THRB: variants seen among roughly 807,000 people sequenced by gnomAD.
THRB encodes nuclear receptor subfamily 1 group A member 2.
THRB carries 12 observed loss-of-function variants against 47.8 expected under a neutral mutation model. The observed-to-expected ratio is 0.25, with a 90% CI of 0.16 to 0.41. The LOEUF (loss-of-function observed/expected upper bound fraction) is 0.41, where lower values mean the gene tolerates loss of function less well. Ranked by LOEUF, THRB falls within the 10% of genes least tolerant of loss-of-function variation. THRB has a pLI of 1.00. For synonymous variants in THRB, 218 were observed against 212.2 expected, an observed-to-expected ratio of 1.03 and a Z score of -0.24; for missense variants, 348 against 589.2, an observed-to-expected ratio of 0.59 and a Z score of 4.24.
chr3:24,315,385 G>A (rs535808317), intron 2 of THRB, among the ~76,000 whole-genome samples: 6 of 152,158 alleles, frequency 3.9e-5, no homozygotes, highest in African/African-American at 7.2e-5. Context: ...CCAAAGCCAC[G>A]TCCTGCACTT....
chr3:24,323,515 T>C (rs990317993), intron 2 of THRB, among the ~76,000 whole-genome samples: 1 of 152,244 alleles, frequency 6.6e-6, no homozygotes, highest in Non-Finnish European at 1.5e-5. Flanking sequence ...TCATTAGATC[T>C]GGAGTGAGTC....
rs2049501772 is a variant in THRB, at chr3:24,241,503, C to T, written c.-42-12502G>A. On this transcript the variant is annotated intron_variant, in intron 3 of 10. Transcript: ENST00000646209. ...GTCCTGCTCAACTTCCTCAGGCCTA[C>T]AGAGAAATCTATTCTTGTGCCTCTT... is the stretch of plus-strand genomic sequence containing the variant. Among the ~76,000 whole-genome samples the T allele has an allele frequency of 2.0e-5, 3 of 152,152 alleles. No individual in the cohort carries two copies. In the South Asian group the frequency reaches 6.2e-4, roughly 31 times the overall value.
intron 1 of THRB, among the ~76,000 whole-genome samples, chr3:24,382,250 G>C (rs137978162): frequency 6.6e-6 from 1 of 151,814 alleles, no homozygotes; most frequent in African/African-American, 2.4e-5. Context: ...AATACAAAGC[G>C]TCATTAGGAA....
intron 2 of THRB, among the ~76,000 whole-genome samples, chr3:24,297,651 T>C (rs1433792878): frequency 1.3e-5 from 2 of 152,390 alleles, no homozygotes; most frequent in East Asian, 3.9e-4. Context: ...TGAGGTTCCC[T>C]CACTGTTCTC....
intron 3 of THRB, among the ~76,000 whole-genome samples, chr3:24,254,199 T>TGAA (rs2050978676): frequency 2.9e-5 from 1 of 34,584 alleles, no homozygotes; most frequent in Non-Finnish European, 5.3e-5. Context: ...CTGTCTCTAC[T>TGAA]AAAAAAAAAA....
At chr3:24,152,518 T>TA in intron 5 of THRB, 28 bp from the exon 6 acceptor site, 1 of 1,162,830 alleles carries the variant, frequency 8.6e-7, no homozygotes. Flanking sequence ...GAAGGAATAT[T>TA]AAAAAATAAT....
At chr3:24,309,063 C>G (rs915957875) in intron 2 of THRB, among the ~76,000 whole-genome samples, 3 of 152,184 alleles carry the variant, frequency 2.0e-5, no homozygotes, top group Admixed American at 6.5e-5. Context: ...CCAGGTCTAG[C>G]TGGAATACTG....
At chr3:24,245,379 AG>A (rs2050007340) in intron 3 of THRB, among the ~76,000 whole-genome samples, 1 of 152,204 alleles carries the variant, frequency 6.6e-6, no homozygotes, top group Non-Finnish European at 1.5e-5. Context: ...GAGATGACTA[AG>A]CCCCACCCCT....
intron 1 of THRB, among the ~76,000 whole-genome samples, chr3:24,377,709 G>A (rs1560056301): frequency 6.6e-6 from 1 of 152,092 alleles, no homozygotes; most frequent in Non-Finnish European, 1.5e-5. Context: ...GTCAACATTT[G>A]ATAGCTGAAA....
intron 4 of THRB, among the ~76,000 whole-genome samples, chr3:24,200,788 C>A (rs1416489570): frequency 1.3e-5 from 2 of 152,188 alleles, no homozygotes; most frequent in Admixed American, 6.5e-5. Flanking sequence ...ACTGCCACAG[C>A]ATGCACAGCT....
chr3:24,140,590 T>C (rs894623039), intron 8 of THRB, among the ~76,000 whole-genome samples: 26 of 152,286 alleles, frequency 1.7e-4, no homozygotes, highest in Admixed American at 1.3e-4. Context: ...TATTTTTTAA[T>C]ATATAGTCAA....
chr3:24,301,159 G>T (rs545469970), intron 2 of THRB, among the ~76,000 whole-genome samples: 97 of 152,322 alleles, frequency 6.4e-4, no homozygotes, highest in African/African-American at 2.3e-3. Flanking sequence ...CACTCCTAGA[G>T]CCTTCAGAGG....
At chr3:24,277,141 C>T (rs546764108) in intron 3 of THRB, among the ~76,000 whole-genome samples, 2 of 152,252 alleles carry the variant, frequency 1.3e-5, no homozygotes, top group East Asian at 3.9e-4. Context: ...TGGTCTGGAA[C>T]AGTGGTTATC....
intron 6 of THRB, among the ~76,000 whole-genome samples, chr3:24,149,184 T>C (rs1288841484): frequency 6.6e-6 from 1 of 152,106 alleles, no homozygotes; most frequent in African/African-American, 2.4e-5. Context: ...ACCCAGAGAT[T>C]CCTGGCAAGA....
intron 1 of THRB, among the ~76,000 whole-genome samples, chr3:24,406,614 T>TAA (rs5847291): frequency 1.3e-5 from 2 of 149,692 alleles, no homozygotes; most frequent in Admixed American, 6.7e-5. Context: ...CTTGTACTCT[T>TAA]AAAAAAAAAA....
chr3:24,425,041 C>A (rs2069623651), intron 1 of THRB, among the ~76,000 whole-genome samples: 2 of 151,606 alleles, frequency 1.3e-5, no homozygotes, highest in Admixed American at 6.6e-5. Flanking sequence ...TTTATTTAAT[C>A]CATCCTTTAT....
chr3:24,185,267 T>C (rs1414862780), intron 5 of THRB, among the ~76,000 whole-genome samples: 1 of 152,218 alleles, frequency 6.6e-6, no homozygotes, highest in Non-Finnish European at 1.5e-5. Flanking sequence ...GTTCATGATA[T>C]ATTGCTAGGC....
Position 24,420,431 on chromosome 3 carries a change from G to A in THRB, c.-261+74221C>T, listed in dbSNP as rs2069133535. ...TAGTCAGTGCTGAAGTTCATGGTGA[G>A]CACTTGAAGTAGCAGCACAGGGTGA... is the stretch of plus-strand genomic sequence containing the variant. On this transcript the variant is annotated intron_variant, in intron 1 of 10. Coordinates refer to ENST00000646209, the MANE Select transcript of THRB (RefSeq NM_001354712.2). 2.0e-5 allele frequency among the ~76,000 whole-genome samples: 3 copies of A among 151,858 alleles called. No homozygotes were observed. In the South Asian group the frequency reaches 6.2e-4, roughly 32 times the overall value.
chr3:24,139,373 T>C (rs1575347825), intron 8 of THRB, among the ~76,000 whole-genome samples: 1 of 139,948 alleles, frequency 7.1e-6, no homozygotes, highest in Admixed American at 7.4e-5. Flanking sequence ...TTTCTTTCTT[T>C]CTTTTTCTTT....
Sources: gnomAD v4.1 joint callset for allele counts (sites outside exome capture counted in the v4.1 genomes callset) on GRCh38, gnomAD v4.1.1 for gene constraint, MANE v1.5 for transcripts, NCBI Gene and HGNC (gene_info 2026-07-23, HGNC 2026-07-21) for gene names.